PDE8B: variants seen among roughly 807,000 people sequenced by gnomAD.
PDE8B encodes the protein phosphodiesterase 8B, also known as high affinity cAMP-specific and IBMX-insensitive 3',5'-cyclic phosphodiesterase 8B.
Under a neutral mutation model 101.3 loss-of-function variants are expected in PDE8B, and 26 were observed. The ratio of observed to expected loss-of-function variants is 0.26; its 90% CI spans 0.19 to 0.36. The LOEUF is 0.36. PDE8B is among the 10% of genes least tolerant of loss of function. The probability of loss-of-function intolerance (pLI) is 1.00; values close to 1 mark genes in which losing one functional copy is unlikely to be tolerated. For missense variants in PDE8B, 810 were observed against 1,163.1 expected, an observed-to-expected ratio of 0.70 and a Z score of 4.42; for synonymous variants, 424 against 429.3, an observed-to-expected ratio of 0.99 and a Z score of 0.15.
intron 14 of PDE8B, among the ~76,000 whole-genome samples, chr5:77,409,880 T>C (rs1318650008): frequency 3.9e-5 from 6 of 152,256 alleles, no homozygotes; most frequent in Non-Finnish European, 8.8e-5. Flanking sequence ...ATTCTCCACC[T>C]GGAACTTGAG....
chr5:77,252,367 A>T (rs1758237967), intron 1 of PDE8B, among the ~76,000 whole-genome samples: 1 of 152,190 alleles, frequency 6.6e-6, no homozygotes, highest in African/African-American at 2.4e-5. Context: ...ATTAGCAAAT[A>T]CTCATGGGTA....
chr5:77,392,061 G>GTC (rs1473676123), intron 10 of PDE8B, among the ~76,000 whole-genome samples: 1 of 152,178 alleles, frequency 6.6e-6, no homozygotes, highest in Admixed American at 6.5e-5. Flanking sequence ...GGATAAATGA[G>GTC]TCACAGCCCT....
At chr5:77,278,989 A>G (rs2149831545) in intron 1 of PDE8B, among the ~76,000 whole-genome samples, 1 of 152,310 alleles carries the variant, frequency 6.6e-6, no homozygotes, top group Non-Finnish European at 1.5e-5. Flanking sequence ...TAATTACTAT[A>G]CACTACTGAA....
the PDE8B span, among the ~76,000 whole-genome samples, chr5:77,124,546 C>A: frequency 1.3e-5 from 2 of 150,834 alleles, no homozygotes; most frequent in African/African-American, 4.9e-5. Context: ...GAGATTGTGC[C>A]ACTCACTCCA....
chr5:77,127,945 G>T, the PDE8B span, among the ~76,000 whole-genome samples: 522 of 152,286 alleles, frequency 3.4e-3, no homozygotes, highest in Admixed American at 7.9e-3. Flanking sequence ...GTCAACTGTT[G>T]TCTTAATCTT....
the PDE8B span, among the ~76,000 whole-genome samples, chr5:77,162,601 G>A: frequency 0.25 from 38,167 of 152,068 alleles, 5,626 homozygotes; most frequent in East Asian, 0.74. Flanking sequence ...AAATAGACCT[G>A]CACATATACA....
the PDE8B span, among the ~76,000 whole-genome samples, chr5:77,159,871 T>G: frequency 2.0e-5 from 3 of 152,234 alleles, no homozygotes; most frequent in African/African-American, 7.2e-5. Flanking sequence ...GATTCTTGGT[T>G]GCTTTGGAGA....
chr5:77,377,948 A>G (rs1312332657), intron 10 of PDE8B, among the ~76,000 whole-genome samples: 3 of 151,120 alleles, frequency 2.0e-5, no homozygotes, highest in African/African-American at 7.3e-5. Context: ...AGCCACCATA[A>G]TCATGTGAGC....
intron 1 of PDE8B, among the ~76,000 whole-genome samples, chr5:77,288,100 C>G (rs768666736): frequency 2.4e-4 from 36 of 152,268 alleles, no homozygotes; most frequent in Non-Finnish European, 8.8e-5. Flanking sequence ...AGGGGACAGG[C>G]GATAATAACT....
At position 77,379,987 on chromosome 5, in the gene PDE8B, G is replaced by A. The variant is rs117395456; in HGVS notation, c.1168-20261G>A. On this transcript the variant is annotated intron_variant, in intron 10 of 21. Transcript: ENST00000264917. ...AAACATGAAAGCATTCAGTTCTGTC[G>A]TGAAGTTGCAGATCAAGAATGTTCA... 2.6e-4 allele frequency among the ~76,000 whole-genome samples: 40 copies of A among 152,270 alleles called. No individual in the cohort carries two copies. The East Asian group carries it at 6.9e-3, about 26-fold the overall frequency.
chr5:77,347,836 G>A (rs113771615), intron 7 of PDE8B, among the ~76,000 whole-genome samples: 6,120 of 152,132 alleles, frequency 0.04, 388 homozygotes, highest in African/African-American at 0.13. Flanking sequence ...GGAAAGGCCC[G>A]GAGATGAGAG....
chr5:77,163,875 C>G, the PDE8B span, among the ~76,000 whole-genome samples: 1 of 152,208 alleles, frequency 6.6e-6, no homozygotes, highest in Non-Finnish European at 1.5e-5. Flanking sequence ...TTCACTATTT[C>G]TAGCTTTCCC....
the PDE8B span, among the ~76,000 whole-genome samples, chr5:77,107,418 C>G: frequency 6.6e-6 from 1 of 152,150 alleles, no homozygotes; most frequent in Non-Finnish European, 1.5e-5. Flanking sequence ...GCTTTTTCTC[C>G]TCCATAGATT....
the PDE8B span, among the ~76,000 whole-genome samples, chr5:77,135,945 G>A: frequency 2.0e-5 from 3 of 152,010 alleles, no homozygotes; most frequent in Non-Finnish European, 4.4e-5. Context: ...TCTCTTTCTG[G>A]AACTCCTATT....
the PDE8B span, among the ~76,000 whole-genome samples, chr5:77,093,146 G>A: frequency 6.6e-6 from 1 of 152,288 alleles, no homozygotes; most frequent in African/African-American, 2.4e-5. Context: ...GAAAGAGTTT[G>A]TGAAGAATTG....
chr5:77,133,968 G>A, the PDE8B span, among the ~76,000 whole-genome samples: 1 of 152,244 alleles, frequency 6.6e-6, no homozygotes, highest in South Asian at 2.1e-4. Flanking sequence ...ACCTCTCCTG[G>A]CTTTAGATTT....
At chr5:77,087,607 AGAT>A in the PDE8B span, 1 of 152,330 alleles carries the variant, frequency 6.6e-6, no homozygotes, top group East Asian at 1.9e-4. Context: ...AGCTTTGGCT[AGAT>A]GATGCTCAGG....
chr5:77,160,503 A>G, the PDE8B span, among the ~76,000 whole-genome samples: 25 of 152,230 alleles, frequency 1.6e-4, no homozygotes, highest in African/African-American at 6.0e-4. Flanking sequence ...TTAACTGTAG[A>G]TTGTCGTATA....
At chr5:77,142,297 T>A in the PDE8B span, 1 of 152,216 alleles carries the variant, frequency 6.6e-6, no homozygotes, top group African/African-American at 2.4e-5. Context: ...TGCATTTCTC[T>A]TTTTTACAAC....
Sources: gnomAD v4.1 joint callset for allele counts (sites outside exome capture counted in the v4.1 genomes callset) on GRCh38, gnomAD v4.1.1 for gene constraint, MANE v1.5 for transcripts, NCBI Gene and HGNC (gene_info 2026-07-23, HGNC 2026-07-21) for gene names.